The following NKAIN3 variants were observed in gnomAD, a reference collection of about 807,000 sequenced individuals.
NKAIN3 encodes the protein sodium/potassium-transporting ATPase subunit beta-1-interacting protein 3.
Under a neutral mutation model 30.2 loss-of-function variants are expected in NKAIN3, and 25 were observed. That is an observed-to-expected ratio of 0.83 (90% CI 0.60 to 1.16). NKAIN3 has a LOEUF of 1.16. Ranked by LOEUF, NKAIN3 falls within the 50% of genes most tolerant of loss-of-function variation. The pLI, the probability that NKAIN3 is intolerant of heterozygous loss-of-function variation, is 0.00. For missense variants in NKAIN3, 225 were observed against 254.1 expected, an observed-to-expected ratio of 0.89 and a Z score of 0.78; for synonymous variants, 91 against 89.6, an observed-to-expected ratio of 1.02 and a Z score of -0.09.
chr8:62,822,692 A>G (rs1420842412), intron 4 of NKAIN3, among the ~76,000 whole-genome samples: 1 of 152,166 alleles, frequency 6.6e-6, no homozygotes, highest in African/African-American at 2.4e-5. Context: ...TACCTTGAGG[A>G]GTCCTAGGAG....
chr8:62,486,122 G>A (rs1806893676), intron 1 of NKAIN3, among the ~76,000 whole-genome samples: 1 of 152,110 alleles, frequency 6.6e-6, no homozygotes, highest in Non-Finnish European at 1.5e-5. Flanking sequence ...AACAAAAAGA[G>A]AGAACGCTGA....
intron 4 of NKAIN3, among the ~76,000 whole-genome samples, chr8:62,906,845 T>A (rs1821792832): frequency 6.6e-6 from 1 of 152,206 alleles, no homozygotes; most frequent in Non-Finnish European, 1.5e-5. Flanking sequence ...TATGTCTTTA[T>A]TAGCAGTGTG....
At position 62,672,151 on chromosome 8, in the gene NKAIN3, C is replaced by CATTG. The variant is rs555301778; in HGVS notation, c.274-74780_274-74777dup. On this transcript the variant is annotated intron_variant, in intron 3 of 6. Coordinates refer to ENST00000623646, the MANE Select transcript of NKAIN3 (RefSeq NM_001304533.3). ...CAACCAACAAGTGTCCAGTCACCTC[C>CATTG]ATTGTATTTCCACTGTAAATTAGGA... 1.4e-4 allele frequency among the ~76,000 whole-genome samples: 22 copies of CATTG among 152,326 alleles called. No individual in the cohort carries two copies. In the South Asian group the frequency reaches 4.1e-3, roughly 29 times the overall value.
chr8:62,527,809 C>T (rs1808352374), intron 1 of NKAIN3, among the ~76,000 whole-genome samples: 1 of 151,270 alleles, frequency 6.6e-6, no homozygotes, highest in African/African-American at 2.4e-5. Flanking sequence ...AAAGATTCTT[C>T]CTAGGTCTGA....
intron 1 of NKAIN3, among the ~76,000 whole-genome samples, chr8:62,466,872 G>A (rs544856985): frequency 6.6e-6 from 1 of 152,042 alleles, no homozygotes; most frequent in South Asian, 2.1e-4. Flanking sequence ...TAAATAAATT[G>A]AAAAGGCATT....
rs1816383353 is a variant in NKAIN3 at position 62,754,379 on chromosome 8, C to CAT, written c.471+7251_471+7252insTA. On this transcript the variant is annotated intron_variant, in intron 4 of 6. Transcript: ENST00000623646. The stretch of plus-strand genomic sequence containing the variant: ...TGATTAGTGCACACACACACACACA[C>CAT]ACACACATGCACACATATAAAGGAG... Among the ~76,000 whole-genome samples the CAT allele has an allele frequency of 2.6e-5, 4 of 151,862 alleles. No homozygotes were observed. In the South Asian group the frequency reaches 8.3e-4, roughly 32 times the overall value.
intron 4 of NKAIN3, among the ~76,000 whole-genome samples, chr8:62,797,461 T>C (rs906096942): frequency 1.3e-5 from 2 of 152,234 alleles, no homozygotes; most frequent in Non-Finnish European, 2.9e-5. Flanking sequence ...ATCCTTTTTA[T>C]ACTTGAGATG....
intron 6 of NKAIN3, among the ~76,000 whole-genome samples, chr8:62,960,884 A>G (rs778852301): frequency 6.6e-6 from 1 of 152,086 alleles, no homozygotes; most frequent in Non-Finnish European, 1.5e-5. Flanking sequence ...GTCTGCAAAC[A>G]GAGAGAGAGA....
At chr8:62,278,706 A>G (rs1489373640) in intron 1 of NKAIN3, among the ~76,000 whole-genome samples, 2 of 152,012 alleles carry the variant, frequency 1.3e-5, no homozygotes, top group Non-Finnish European at 2.9e-5. Flanking sequence ...AAGGACATGA[A>G]CTCATCCTTT....
At chr8:62,532,419 G>GGAAGAAAA (rs56081293) in intron 1 of NKAIN3, among the ~76,000 whole-genome samples, 135,878 of 151,976 alleles carry the variant, frequency 0.89, 60,931 homozygotes, top group Middle Eastern at 0.95. Context: ...TGAAGCCCTG[G>GGAAGAAAA]CTGCATTCTA....
At position 62,654,275 on chromosome 8, in the gene NKAIN3, G is replaced by A. The variant is rs138539251; in HGVS notation, c.273+64481G>A. ...TGTTTTTCTCATAAAGACTGGAAGGGAAAGAAAAGGCAAATAGAAAGGAAA... is the reference window on the plus strand; with the variant it reads ...TGTTTTTCTCATAAAGACTGGAAGGAAAAGAAAAGGCAAATAGAAAGGAAA... On this transcript the variant is annotated intron_variant, in intron 3 of 6. Transcript: ENST00000623646. Among the ~76,000 whole-genome samples, 12 of 152,094 alleles carry A rather than the reference G, an allele frequency of 7.9e-5. No homozygotes were observed. In the East Asian group the frequency reaches 2.1e-3, roughly 27 times the overall value.
intron 3 of NKAIN3, among the ~76,000 whole-genome samples, chr8:62,613,475 T>C (rs940432322): frequency 6.6e-6 from 1 of 152,108 alleles, no homozygotes; most frequent in African/African-American, 2.4e-5. Context: ...CTTTGGGAGT[T>C]TGATTATTAA....
chr8:62,368,992 A>G (rs1050668934), intron 1 of NKAIN3, among the ~76,000 whole-genome samples: 13 of 152,042 alleles, frequency 8.6e-5, no homozygotes, highest in South Asian at 4.1e-4. Context: ...GAGCTCACCT[A>G]GGTTCAATAG....
intron 1 of NKAIN3, among the ~76,000 whole-genome samples, chr8:62,308,801 A>G (rs1328262343): frequency 1.3e-5 from 2 of 150,618 alleles, no homozygotes; most frequent in Non-Finnish European, 2.9e-5. Context: ...AGAAAGAGAT[A>G]CTAAATTCAG....
Position 62,571,364 on chromosome 8 carries a change from G to A in NKAIN3, c.55-8175G>A, listed in dbSNP as rs190628688. Among the ~76,000 whole-genome samples, 114 of 152,226 alleles carry A rather than the reference G, an allele frequency of 7.5e-4. 1 individual carries two copies. The Middle Eastern group carries it at 0.02, about 27-fold the overall frequency. On this transcript the variant is annotated intron_variant, in intron 1 of 6. Transcript: ENST00000623646. ...ATGGCCAGTCATGAGGTTGGTTGCC[G>A]TGGTCTTGGACAGCTCCACCTCTGT... is the stretch of plus-strand genomic sequence containing the variant.
chr8:62,956,432 TC>T (rs1395884186), intron 6 of NKAIN3, among the ~76,000 whole-genome samples: 1 of 152,192 alleles, frequency 6.6e-6, no homozygotes, highest in African/African-American at 2.4e-5. Context: ...ATGCAGAGTT[TC>T]CAGCCAACAG....
intron 1 of NKAIN3, among the ~76,000 whole-genome samples, chr8:62,273,685 G>A (rs186095832): frequency 6.6e-6 from 1 of 152,288 alleles, no homozygotes; most frequent in East Asian, 1.9e-4. Flanking sequence ...CAGGCTTTTA[G>A]GAAATCATCT....
chr8:62,255,951 C>T (rs534958382), intron 1 of NKAIN3, among the ~76,000 whole-genome samples: 3 of 152,200 alleles, frequency 2.0e-5, no homozygotes, highest in East Asian at 1.9e-4. Flanking sequence ...TGAGGTAGAT[C>T]GAGGTTTGGG....
intron 1 of NKAIN3, among the ~76,000 whole-genome samples, chr8:62,460,784 A>G (rs1221327959): frequency 3.9e-5 from 6 of 152,226 alleles, no homozygotes; most frequent in Admixed American, 3.9e-4. Flanking sequence ...ACTCAGAGCT[A>G]CCAAGTGAGA....
Sources: allele counts gnomAD v4.1 joint callset (sites outside exome capture counted in the v4.1 genomes callset), GRCh38; gene constraint gnomAD v4.1.1; transcripts MANE v1.5; gene names NCBI Gene and HGNC (gene_info 2026-07-23, HGNC 2026-07-21).